Variants in DNAH6 observed in about 807,000 individuals in gnomAD.
The protein encoded by DNAH6 is dynein axonemal heavy chain 6.
DNAH6 carries 340 observed loss-of-function variants against 491.4 expected under a neutral mutation model. The observed-to-expected ratio is 0.69, with a 90% CI of 0.63 to 0.76. The LOEUF (loss-of-function observed/expected upper bound fraction) is 0.76, where lower values mean the gene tolerates loss of function less well. DNAH6 is among the 30% of genes least tolerant of loss of function. The probability of loss-of-function intolerance (pLI) is 0.00; values close to 1 mark genes in which losing one functional copy is unlikely to be tolerated. For missense variants in DNAH6, 4,443 were observed against 4,972.2 expected, an observed-to-expected ratio of 0.89 and a Z score of 3.20; for synonymous variants, 1,603 against 1,686.1, an observed-to-expected ratio of 0.95 and a Z score of 1.21.
intron 16 of DNAH6, 136 bp downstream of exon 16, chr2:84,589,090 C>A: frequency 1.3e-6 from 1 of 751,472 alleles, no homozygotes; most frequent in Non-Finnish European, 1.9e-6. Context: ...TACAAATAGT[C>A]TCAAATACAA....
At chr2:84,781,345 TA>T in intron 64 of DNAH6, 147 bp from the exon 65 acceptor site, 1 of 727,082 alleles carries the variant, frequency 1.4e-6, no homozygotes, top group Non-Finnish European at 2.1e-6. Flanking sequence ...AAACAAGAAA[TA>T]AGGAAAACAT....
At chr2:84,694,223 T>C in intron 45 of DNAH6, 26 bp from the exon 46 acceptor site, 1 of 1,545,496 alleles carries the variant, frequency 6.5e-7, no homozygotes, top group South Asian at 1.2e-5. Context: ...GAACTTGAAA[T>C]AAACCCTCTG....
intron 44 of DNAH6, among the ~76,000 whole-genome samples, chr2:84,687,040 A>G (rs138577145): frequency 2.4e-4 from 36 of 152,326 alleles, no homozygotes; most frequent in Non-Finnish European, 4.3e-4. Context: ...GGTTAAGAGA[A>G]TTGTTCTCTT....
intron 37 of DNAH6, among the ~76,000 whole-genome samples, chr2:84,662,675 G>T (rs1357999831): frequency 6.6e-6 from 1 of 152,198 alleles, no homozygotes; most frequent in African/African-American, 2.4e-5. Flanking sequence ...CACCTCTGGG[G>T]GCAGGGCATA....
At chr2:84,634,866 CTTA>C (rs1688727670) in intron 30 of DNAH6, among the ~76,000 whole-genome samples, 2 of 152,172 alleles carry the variant, frequency 1.3e-5, no homozygotes. Context: ...GTTTTAGCCC[CTTA>C]TTAGCATGTC....
chr2:84,582,304 G>A (rs1459911856), intron 14 of DNAH6, among the ~76,000 whole-genome samples: 3 of 152,124 alleles, frequency 2.0e-5, no homozygotes, highest in Admixed American at 6.6e-5. Flanking sequence ...CTCAAAGGGG[G>A]ACTCCAGATC....
chr2:84,630,068 A>G (rs1472710935), intron 29 of DNAH6, among the ~76,000 whole-genome samples: 5 of 152,330 alleles, frequency 3.3e-5, no homozygotes, highest in East Asian at 1.9e-4. Flanking sequence ...TGAAAAATTG[A>G]TAAAGAAAAA....
At chr2:84,692,653 A>G (rs1356134276) in intron 45 of DNAH6, among the ~76,000 whole-genome samples, 1 of 152,140 alleles carries the variant, frequency 6.6e-6, no homozygotes, top group Non-Finnish European at 1.5e-5. Flanking sequence ...CTTTTCTATC[A>G]TCTTAACAAC....
At position 84,805,670 on chromosome 2, in the gene DNAH6, A is replaced by G; in HGVS notation, c.11487A>G (p.Lys3829=). The G allele has an allele frequency of 6.5e-7, 1 of 1,550,346 alleles. No individual in the cohort carries two copies. The highest frequency in any genetic ancestry group is 8.7e-7 in the Non-Finnish European group (1 of 1,146,332). Residue 3829 remains lysine (K), a synonymous_variant, in exon 71 of 77, where the codon AAA becomes AAG. Coordinates refer to ENST00000389394, the MANE Select transcript of DNAH6 (RefSeq NM_001370.2). ...GTCTCTTATTGCCATTACAGTACAA[A>G]GAGACCAGCACTTTAATCAACACCA... ...HENANLVFQY[K]ETSTLINTIL...
At position 84,659,228 on chromosome 2, in the gene DNAH6, A is replaced by T. The variant is rs559780571; in HGVS notation, c.6084+59A>T. The T allele has an allele frequency of 1.7e-4, 174 of 1,011,180 alleles. No individual in the cohort carries two copies. The East Asian group carries it at 5.2e-3, about 30-fold the overall frequency. The allele number at this position is 1,011,180 out of a possible 1,614,324, so 62.6% of individuals were successfully genotyped here. On this transcript the variant is annotated intron_variant, in intron 37 of 76. Coordinates refer to ENST00000389394, the MANE Select transcript of DNAH6 (RefSeq NM_001370.2). Reference sequence around the variant, plus strand: ...AATTCTGAATTATTTAAATTTTAAGATTAAAACTTTAAAAGCTTTAGTTCT... The same window carrying T: ...AATTCTGAATTATTTAAATTTTAAGTTTAAAACTTTAAAAGCTTTAGTTCT...
chr2:84,721,066 A>G (rs1318814648), intron 59 of DNAH6, among the ~76,000 whole-genome samples: 1 of 152,230 alleles, frequency 6.6e-6, no homozygotes, highest in Non-Finnish European at 1.5e-5. Flanking sequence ...TGTAGGGCAT[A>G]ATGTCTACAA....
At chr2:84,651,671 C>G (rs2104556242) in intron 33 of DNAH6, among the ~76,000 whole-genome samples, 1 of 152,080 alleles carries the variant, frequency 6.6e-6, no homozygotes, top group East Asian at 1.9e-4. Context: ...ACACAAGGGA[C>G]TAGTCACTGT....
At chr2:84,665,489 A>G (rs988013065) in intron 37 of DNAH6, among the ~76,000 whole-genome samples, 1 of 152,248 alleles carries the variant, frequency 6.6e-6, no homozygotes, top group Non-Finnish European at 1.5e-5. Context: ...CAAATAAACT[A>G]GAAGATCTAG....
At chr2:84,624,419 T>C (rs1340423416) in intron 27 of DNAH6, 29 bp downstream of exon 27, 2 of 1,549,292 alleles carry the variant, frequency 1.3e-6, no homozygotes, top group East Asian at 2.4e-5. Flanking sequence ...TAAAATTATA[T>C]ACTTCTTTCT....
At position 84,616,976 on chromosome 2, in the gene DNAH6, T is replaced by G; in HGVS notation, c.3566T>G (p.Phe1189Cys). The change falls in exon 23 of 77, where the codon TTT becomes TGT. Residue 1189 changes from phenylalanine (F) to cysteine (C), a missense_variant. Transcript: ENST00000389394. Reference protein sequence around the residue: ...EAYLESKRVIFPRFYFLSNDE... With the variant: ...EAYLESKRVICPRFYFLSNDE... The stretch of plus-strand genomic sequence containing the variant: ...TACTTAGAATCAAAAAGAGTTATCT[T>G]TCCAAGGTAAGTTTATAAAGCAACC... 6.7e-7 allele frequency: 1 copy of G among 1,482,964 alleles called. No individual in the cohort carries two copies. The highest frequency in any genetic ancestry group is 1.4e-5 in the South Asian group (1 of 70,912). 91.9% of individuals were successfully genotyped at this position (1,482,964 alleles called of 1,614,324 possible).
rs555099761 is a variant in DNAH6 at position 84,715,868 on chromosome 2, C to T, written c.9611+241C>T. Among the ~76,000 whole-genome samples, 8 of 152,114 alleles carry T rather than the reference C, an allele frequency of 5.3e-5. No homozygotes were observed. The South Asian group carries it at 8.3e-4, about 16-fold the overall frequency. On this transcript the variant is annotated intron_variant, in intron 58 of 76. Transcript: ENST00000389394. ...AGGATAGACCCTTAATTCCCCACCC[C>T]CACTGTTTGAACCAGGCTGGCAGCC...
chr2:84,520,427 A>G (rs1441155887), intron 2 of DNAH6, among the ~76,000 whole-genome samples: 1 of 152,042 alleles, frequency 6.6e-6, no homozygotes, highest in Non-Finnish European at 1.5e-5. Context: ...TAACTTTTTT[A>G]ACGTTTATTT....
intron 68 of DNAH6, among the ~76,000 whole-genome samples, chr2:84,791,207 A>AG (rs1197324339): frequency 6.6e-6 from 1 of 151,678 alleles, no homozygotes; most frequent in Non-Finnish European, 1.5e-5. Context: ...AAAAGAAAAA[A>AG]GAAAAAAAAA....
intron 28 of DNAH6, 87 bp downstream of exon 28, chr2:84,624,707 TGAAA>T: frequency 7.1e-7 from 1 of 1,401,116 alleles, no homozygotes; most frequent in Non-Finnish European, 9.6e-7. Context: ...CATTAACTCT[TGAAA>T]GAATTTATTA....
Sources: allele counts gnomAD v4.1 joint callset (sites outside exome capture counted in the v4.1 genomes callset), GRCh38; gene constraint gnomAD v4.1.1; transcripts MANE v1.5; gene names NCBI Gene and HGNC (gene_info 2026-07-23, HGNC 2026-07-21).